Variants in FOCAD observed in about 807,000 individuals in gnomAD.
The protein encoded by FOCAD is KIAA1797.
FOCAD carries 198 observed loss-of-function variants against 225.6 expected under a neutral mutation model. The ratio of observed to expected loss-of-function variants is 0.88; its 90% CI spans 0.78 to 0.99. The LOEUF is 0.99. FOCAD is among the 50% of genes least tolerant of loss of function. The pLI, the probability that FOCAD is intolerant of heterozygous loss-of-function variation, is 0.00. For synonymous variants in FOCAD, 897 were observed against 755.0 expected, an observed-to-expected ratio of 1.19 and a Z score of -3.08; for missense variants, 2,713 against 2,123.6, an observed-to-expected ratio of 1.28 and a Z score of -5.46.
At chr9:20,742,811 G>A (rs1827740373) in intron 5 of FOCAD, among the ~76,000 whole-genome samples, 1 of 152,132 alleles carries the variant, frequency 6.6e-6, no homozygotes, top group Admixed American at 6.5e-5. Flanking sequence ...TTGCTGCAAG[G>A]TGTGAATAGG....
intron 8 of FOCAD, among the ~76,000 whole-genome samples, chr9:20,777,539 A>C (rs1818887060): frequency 6.6e-6 from 1 of 151,960 alleles, no homozygotes; most frequent in African/African-American, 2.4e-5. Context: ...TACTTGGTGA[A>C]CTTAATGGTT....
chr9:20,715,904 A>G (rs1201865539), intron 2 of FOCAD, among the ~76,000 whole-genome samples: 6 of 152,250 alleles, frequency 3.9e-5, no homozygotes, highest in Admixed American at 2.6e-4. Context: ...TCAATAATTA[A>G]ATAGTTAAAA....
rs796702774 is a variant in FOCAD at position 20,815,123 on chromosome 9, G to GGTTTTTTTTTTTTTTTTTTT, written c.1456-4673_1456-4672insGTTTTTTTTTTTTTTTTTTT. 2.1e-3 allele frequency among the ~76,000 whole-genome samples: 180 copies of GGTTTTTTTTTTTTTTTTTTT among 85,370 alleles called. 40 individuals carry two copies. The highest frequency in any genetic ancestry group is 4.2e-3 in the East Asian group (14 of 3,358). The allele number at this position is 85,370 out of a possible 152,430, so 56.0% of individuals were successfully genotyped here. On this transcript the variant is annotated intron_variant, in intron 11 of 43. Coordinates refer to ENST00000338382, the MANE Select transcript of FOCAD (RefSeq NM_001375567.1). ...TCTGGAAATATCATTACTTCTCTTT[G>GGTTTTTTTTTTTTTTTTTTT]TTTTTTTTTTTTTGTTTTTTTTTTT...
At chr9:20,856,404 T>G (rs1276139996) in intron 15 of FOCAD, among the ~76,000 whole-genome samples, 1 of 152,058 alleles carries the variant, frequency 6.6e-6, no homozygotes, top group Non-Finnish European at 1.5e-5. Flanking sequence ...TAAATATCTA[T>G]TCAGATGTTT....
intron 8 of FOCAD, among the ~76,000 whole-genome samples, chr9:20,772,854 A>G (rs573570634): frequency 6.6e-6 from 1 of 151,954 alleles, no homozygotes; most frequent in African/African-American, 2.4e-5. Flanking sequence ...TCTAAATAAC[A>G]TGTTTTCTAT....
At chr9:20,897,614 A>G (rs1333156787) in intron 21 of FOCAD, among the ~76,000 whole-genome samples, 3 of 151,714 alleles carry the variant, frequency 2.0e-5, no homozygotes, top group Non-Finnish European at 3.0e-5. Flanking sequence ...ACAACACTAT[A>G]CCACTTCACA....
intron 1 of FOCAD, among the ~76,000 whole-genome samples, chr9:20,711,465 A>G (rs147912647): frequency 1.3e-3 from 200 of 152,340 alleles, no homozygotes; most frequent in African/African-American, 4.7e-3. Context: ...GCATTTCAGT[A>G]CAGCTAATCT....
At chr9:20,674,961 A>G (rs1274606320) in intron 2 of FOCAD, among the ~76,000 whole-genome samples, 2 of 152,212 alleles carry the variant, frequency 1.3e-5, no homozygotes, top group African/African-American at 2.4e-5. Context: ...TTGGGGCAGA[A>G]CTATACCTAT....
At chr9:20,716,574 A>G (rs1466103619) in intron 2 of FOCAD, among the ~76,000 whole-genome samples, 1 of 152,080 alleles carries the variant, frequency 6.6e-6, no homozygotes, top group African/African-American at 2.4e-5. Flanking sequence ...CTAGATATGA[A>G]CTATAGCTTT....
intron 21 of FOCAD, among the ~76,000 whole-genome samples, chr9:20,892,858 A>G (rs891911583): frequency 6.6e-6 from 1 of 152,276 alleles, no homozygotes; most frequent in East Asian, 1.9e-4. Context: ...AGCAAACTTC[A>G]TTGTTATCTT....
intron 15 of FOCAD, among the ~76,000 whole-genome samples, chr9:20,838,539 G>A (rs1436295201): frequency 6.6e-6 from 1 of 152,114 alleles, no homozygotes; most frequent in Non-Finnish European, 1.5e-5. Context: ...ACAAAGTGAT[G>A]TCATTGACCT....
At chr9:20,874,984 ATC>A in intron 19 of FOCAD, 177 bp downstream of exon 19, 1 of 753,052 alleles carries the variant, frequency 1.3e-6, no homozygotes, top group Non-Finnish European at 2.1e-6. Flanking sequence ...TGGTGTTTAA[ATC>A]ATACGAAAAA....
intron 11 of FOCAD, among the ~76,000 whole-genome samples, chr9:20,799,535 AT>A (rs562667993): frequency 1.5e-3 from 230 of 152,238 alleles, no homozygotes; most frequent in African/African-American, 5.3e-3. Flanking sequence ...GCGCTCCTGT[AT>A]TGGGTGCATA....
At chr9:20,784,912 G>C (rs1305956054) in intron 10 of FOCAD, among the ~76,000 whole-genome samples, 1 of 149,466 alleles carries the variant, frequency 6.7e-6, no homozygotes, top group African/African-American at 2.4e-5. Flanking sequence ...CTATGAAATA[G>C]ATGTCTTTTC....
At chr9:20,716,608 T>A (rs2131518743) in intron 2 of FOCAD, among the ~76,000 whole-genome samples, 1 of 152,320 alleles carries the variant, frequency 6.6e-6, no homozygotes, top group Admixed American at 6.5e-5. Flanking sequence ...TTGTGTTTCA[T>A]ATTAGTTTTA....
chr9:20,928,363 A>G (rs1439271802), intron 26 of FOCAD, among the ~76,000 whole-genome samples: 2 of 152,164 alleles, frequency 1.3e-5, no homozygotes, highest in African/African-American at 4.8e-5. Flanking sequence ...TTAAAGTGTA[A>G]CTTAGTACGT....
intron 1 of FOCAD, among the ~76,000 whole-genome samples, chr9:20,710,816 G>A (rs1824787542): frequency 6.6e-6 from 1 of 152,156 alleles, no homozygotes. Context: ...CTAGCTGCCT[G>A]GGAGCACAGG....
At chr9:20,881,846 T>G (rs766656532) in intron 19 of FOCAD, 25 bp from the exon 20 acceptor site, 41 of 1,602,886 alleles carry the variant, frequency 2.6e-5, no homozygotes, top group Admixed American at 3.5e-5. Context: ...TACTCTACTT[T>G]TGGTCTCCTT....
At chr9:20,978,489 G>C in intron 37 of FOCAD, 35 bp downstream of exon 37, 1 of 1,403,530 alleles carries the variant, frequency 7.1e-7, no homozygotes, top group East Asian at 2.4e-5. Flanking sequence ...CCAACAGGAG[G>C]ATATTGTTCT....
Sources: gnomAD v4.1 joint callset for allele counts (sites outside exome capture counted in the v4.1 genomes callset) on GRCh38, gnomAD v4.1.1 for gene constraint, MANE v1.5 for transcripts, NCBI Gene and HGNC (gene_info 2026-07-23, HGNC 2026-07-21) for gene names.